CCNH: variants seen among roughly 807,000 people sequenced by gnomAD.
CCNH encodes cyclin-H.
A neutral mutation model predicts 41.9 loss-of-function variants in CCNH; 31 were observed. The observed-to-expected ratio is 0.74, with a 90% CI of 0.56 to 1.00. CCNH has a LOEUF of 1.00. CCNH is among the 50% of genes least tolerant of loss of function. CCNH has a pLI of 0.00. For synonymous variants in CCNH, 138 were observed against 136.1 expected (o/e 1.01, Z -0.10); for missense variants, 362 against 388.4 (o/e 0.93, Z 0.57).
chr5:87,325,238 G>A (rs1486552123), intron 9 of CCNH, among the ~76,000 whole-genome samples: 1 of 152,088 alleles, frequency 6.6e-6, no homozygotes, highest in East Asian at 1.9e-4. Context: ...CAGCAGCATG[G>A]GGGTAACTGC....
chr5:87,374,650 G>A (rs748629848), downstream of CCNH, among the ~76,000 whole-genome samples: 71 of 151,492 alleles, frequency 4.7e-4, no homozygotes, highest in Non-Finnish European at 1.6e-4. Context: ...AAGATGGTAG[G>A]AAAAGTGTGT....
At chr5:87,362,542 A>G (rs752482707) in intron 9 of CCNH, 2 of 1,584,006 alleles carry the variant, frequency 1.3e-6, no homozygotes, top group Admixed American at 3.3e-5. Flanking sequence ...AATGTTTTTT[A>G]AAATTCAGGA....
At chr5:87,354,338 C>T (rs568365931) in intron 9 of CCNH, among the ~76,000 whole-genome samples, 2 of 152,156 alleles carry the variant, frequency 1.3e-5, no homozygotes, top group East Asian at 3.9e-4. Context: ...AAAGCAGGTG[C>T]TCATTTGTGT....
Position 87,412,812 on chromosome 5 carries a change from G to T in CCNH, c.-18C>A. 1 of 1,611,468 alleles carries T rather than the reference G, an allele frequency of 6.2e-7. No homozygotes were observed. The highest frequency in any genetic ancestry group is 1.1e-5 in the South Asian group (1 of 91,046). ...TGGTACATTATGGAATCGTGACCAG[G>T]TCCAGAGGGTCTGCAGACGAGAACC... On this transcript the variant is annotated 5_prime_UTR_variant, in exon 1 of 9. Transcript: ENST00000256897.
chr5:87,350,280 A>G (rs914804489), intron 9 of CCNH, among the ~76,000 whole-genome samples: 1 of 151,858 alleles, frequency 6.6e-6, no homozygotes, highest in Non-Finnish European at 1.5e-5. Flanking sequence ...TACCTCATAT[A>G]CAGGTTGCTT....
At chr5:87,410,777 T>A (rs1333392805) in intron 2 of CCNH, among the ~76,000 whole-genome samples, 1 of 152,124 alleles carries the variant, frequency 6.6e-6, no homozygotes, top group Non-Finnish European at 1.5e-5. Flanking sequence ...AAGATAAAAC[T>A]CCAGCTTCTA....
chr5:87,411,363 A>T lies in CCNH; in HGVS notation c.118-17T>A. 1 of 1,592,116 alleles carries T rather than the reference A, an allele frequency of 6.3e-7. No individual in the cohort carries two copies. Among genetic ancestry groups the T allele is most frequent in the Non-Finnish European group, 8.5e-7 (1 of 1,172,020 alleles). ...CGGAAGAACCTTTAGATCAACAATT[A>T]CAACACAAGTTCAATGAATTCAATG... is the stretch of plus-strand genomic sequence containing the variant. On this transcript the variant is annotated splice_polypyrimidine_tract_variant and intron_variant, in intron 1 of 8. Transcript: ENST00000256897.
At chr5:87,395,221 G>C in intron 7 of CCNH, 117 bp from the exon 8 acceptor site, 1 of 734,552 alleles carries the variant, frequency 1.4e-6, no homozygotes, top group Non-Finnish European at 2.2e-6. Flanking sequence ...ACAAGGCCAG[G>C]ATAAATGGAA....
At chr5:87,384,557 T>C (rs1246009341) in intron 9 of CCNH, among the ~76,000 whole-genome samples, 2 of 152,174 alleles carry the variant, frequency 1.3e-5, no homozygotes, top group South Asian at 4.1e-4. Flanking sequence ...GTTAAATCTA[T>C]AAATTATTAA....
chr5:87,365,788 AAAG>A (rs1340320676), intron 9 of CCNH, among the ~76,000 whole-genome samples: 2 of 152,118 alleles, frequency 1.3e-5, no homozygotes, highest in African/African-American at 4.8e-5. Flanking sequence ...ACTTTGAAAC[AAAG>A]AAGGTCCTAT....
intron 9 of CCNH, among the ~76,000 whole-genome samples, chr5:87,361,516 A>G (rs1760087879): frequency 6.6e-6 from 1 of 152,224 alleles, no homozygotes; most frequent in Admixed American, 6.5e-5. Context: ...AATCCTTGCA[A>G]AATAGTAAGA....
downstream of CCNH, among the ~76,000 whole-genome samples, chr5:87,387,285 G>A (rs1291341934): frequency 6.6e-6 from 1 of 152,030 alleles, no homozygotes; most frequent in African/African-American, 2.4e-5. Flanking sequence ...ACACAGTTCT[G>A]ACCAGGTTAA....
downstream of CCNH, chr5:87,390,919 T>C: frequency 6.4e-7 from 1 of 1,552,618 alleles, no homozygotes; most frequent in Non-Finnish European, 8.9e-7. Context: ...GGATTCAGCA[T>C]GTCCAACATG....
At position 87,362,890 on chromosome 5, in the gene CCNH, TTTTC is replaced by T. The variant is rs547648090; in HGVS notation, c.*90+29876_*90+29879del. The stretch of plus-strand genomic sequence containing the variant: ...TGTTTCTTCTACCCATGGTTTCTTT[TTTTC>T]TTTCTTTCTTTCTTTTTTTTTTTTG... On this transcript the variant is annotated intron_variant and NMD_transcript_variant, in intron 9 of 9. Transcript: ENST00000645953. Among the ~76,000 whole-genome samples, 408 of 151,650 alleles carry T rather than the reference TTTTC, an allele frequency of 2.7e-3. 2 individuals are homozygous for T. Among genetic ancestry groups the T allele is most frequent in the Middle Eastern group, 0.017 (5 of 290 alleles).
downstream of CCNH, among the ~76,000 whole-genome samples, chr5:87,390,485 T>C (rs1490396232): frequency 6.6e-6 from 1 of 151,594 alleles, no homozygotes; most frequent in Non-Finnish European, 1.5e-5. Flanking sequence ...AGATATTAAA[T>C]AAAAAAAGCC....
At chr5:87,401,233 C>T (rs187943991) in intron 6 of CCNH, among the ~76,000 whole-genome samples, 325 of 152,354 alleles carry the variant, frequency 2.1e-3, no homozygotes, top group Middle Eastern at 3.4e-3. Context: ...CCACATCACT[C>T]CAATTTTCAA....
chr5:87,360,944 T>A (rs1760041856), intron 9 of CCNH, among the ~76,000 whole-genome samples: 1 of 152,214 alleles, frequency 6.6e-6, no homozygotes, highest in Non-Finnish European at 1.5e-5. Flanking sequence ...GTATGTTCAA[T>A]CAAAGCTAAA....
At chr5:87,339,328 G>A (rs1241983184) in intron 9 of CCNH, among the ~76,000 whole-genome samples, 1 of 152,108 alleles carries the variant, frequency 6.6e-6, no homozygotes, top group African/African-American at 2.4e-5. Flanking sequence ...GAAAGAGCTA[G>A]GATTAGGACT....
rs1038459573 is a variant in CCNH, at chr5:87,349,214, T to G, written c.*91-30317A>C. The G allele has an allele frequency of 3.7e-6, 6 of 1,611,488 alleles. No individual in the cohort carries two copies. The African/African-American group carries it at 6.7e-5, about 18-fold the overall frequency. Reference sequence around the variant, plus strand: ...AAAACTAACAGCTTAATTCTTACAGTTGGTCAAGTCTGCAGTTTTCTTGTG... The same window carrying G: ...AAAACTAACAGCTTAATTCTTACAGGTGGTCAAGTCTGCAGTTTTCTTGTG... On this transcript the variant is annotated intron_variant and NMD_transcript_variant, in intron 9 of 9. Coordinates refer to the CCNH transcript ENST00000645953.
Sources: allele counts gnomAD v4.1 joint callset (sites outside exome capture counted in the v4.1 genomes callset), GRCh38; gene constraint gnomAD v4.1.1; transcripts MANE v1.5; gene names NCBI Gene and HGNC (gene_info 2026-07-23, HGNC 2026-07-21).